The following PRKD1 variants were observed in gnomAD, a reference collection of about 807,000 sequenced individuals.
The protein encoded by PRKD1 is serine/threonine-protein kinase D1.
PRKD1 carries 63 observed loss-of-function variants against 95.9 expected under a neutral mutation model. The observed-to-expected ratio is 0.66, with a 90% CI of 0.54 to 0.81. PRKD1 has a LOEUF of 0.81. PRKD1 is among the 30% of genes least tolerant of loss of function. The pLI, the probability that PRKD1 is intolerant of heterozygous loss-of-function variation, is 0.00. For missense variants in PRKD1, 1,048 were observed against 1,165.3 expected (o/e 0.90, Z 1.47); for synonymous variants, 425 against 423.1 (o/e 1.00, Z -0.05).
chr14:29,599,029 G>A lies in PRKD1; in HGVS notation c.2164C>T (p.Gln722Ter). The change falls in exon 15 of 18, where the codon CAG becomes TAG. Residue 722 changes from glutamine (Q) to a stop codon, truncating the protein, a stop_gained and splice_region_variant. Coordinates refer to ENST00000331968, the MANE Select transcript of PRKD1 (RefSeq NM_002742.3). LOFTEE classifies it high-confidence loss of function. ...VLLASADPFP[Q>*]VKLCDFGFAR... is the part of the protein sequence containing the mutation. ...CTGAGAGAGGCTTTTATACTTGCCT[G>A]AGGAAAAGGATCAGCTGAGGCTAGC... 6.2e-7 allele frequency: 1 copy of A among 1,611,098 alleles called. No homozygotes were observed. Among genetic ancestry groups the A allele is most frequent in the Non-Finnish European group, 8.5e-7 (1 of 1,177,392 alleles).
At chr14:29,817,437 T>C (rs1024460405) in intron 1 of PRKD1, among the ~76,000 whole-genome samples, 3 of 152,164 alleles carry the variant, frequency 2.0e-5, no homozygotes, top group African/African-American at 7.2e-5. Context: ...TTTCACTAAC[T>C]CATACCACAA....
chr14:29,902,114 C>A (rs1190165465), intron 1 of PRKD1, among the ~76,000 whole-genome samples: 1 of 152,060 alleles, frequency 6.6e-6, no homozygotes, highest in African/African-American at 2.4e-5. Context: ...AATTTTCTAG[C>A]CAGGCATGGT....
intron 1 of PRKD1, among the ~76,000 whole-genome samples, chr14:29,836,601 T>A (rs1891620927): frequency 6.6e-6 from 1 of 152,156 alleles, no homozygotes; most frequent in South Asian, 2.1e-4. Flanking sequence ...CAGTGGGAAC[T>A]ACAACTGCTG....
chr14:29,786,376 C>T (rs1235543739), intron 1 of PRKD1, among the ~76,000 whole-genome samples: 2 of 152,024 alleles, frequency 1.3e-5, no homozygotes, highest in Non-Finnish European at 1.5e-5. Flanking sequence ...GGAAGAATTC[C>T]CTTCTCTTCA....
At chr14:29,816,642 T>C (rs959491632) in intron 1 of PRKD1, among the ~76,000 whole-genome samples, 4 of 152,204 alleles carry the variant, frequency 2.6e-5, no homozygotes, top group Non-Finnish European at 5.9e-5. Flanking sequence ...ACCTCAGCCA[T>C]ATCATGACAA....
intron 1 of PRKD1, among the ~76,000 whole-genome samples, chr14:29,823,342 C>A (rs910472283): frequency 6.6e-6 from 1 of 152,132 alleles, no homozygotes; most frequent in African/African-American, 2.4e-5. Flanking sequence ...ATTACCATCA[C>A]AAGTGAATTC....
intron 2 of PRKD1, among the ~76,000 whole-genome samples, chr14:29,673,930 C>A (rs940786049): frequency 6.6e-6 from 1 of 152,078 alleles, no homozygotes; most frequent in Non-Finnish European, 1.5e-5. Context: ...AAATGCATGA[C>A]CTGGGGGAAG....
chr14:29,683,016 A>G (rs1883622105), intron 2 of PRKD1, among the ~76,000 whole-genome samples: 1 of 152,200 alleles, frequency 6.6e-6, no homozygotes, highest in South Asian at 2.1e-4. Flanking sequence ...GCTTAAATAA[A>G]TAATTCAGCA....
intron 2 of PRKD1, among the ~76,000 whole-genome samples, chr14:29,690,578 T>C (rs916907986): frequency 2.0e-5 from 3 of 152,154 alleles, no homozygotes; most frequent in South Asian, 2.1e-4. Context: ...CAATGTCTCT[T>C]TCCCCTGCTT....
intron 1 of PRKD1, among the ~76,000 whole-genome samples, chr14:29,825,337 T>C (rs1405694878): frequency 6.6e-6 from 1 of 152,154 alleles, no homozygotes; most frequent in African/African-American, 2.4e-5. Flanking sequence ...AAAGTAATTT[T>C]GAGCTGACAC....
chr14:29,906,228 G>A (rs1239358977), intron 1 of PRKD1, among the ~76,000 whole-genome samples: 2 of 151,354 alleles, frequency 1.3e-5, no homozygotes, highest in South Asian at 2.1e-4. Flanking sequence ...TAAGCGTTAA[G>A]TTTAAGTCAT....
Position 29,577,304 on chromosome 14 carries a change from G to A in PRKD1, c.2673C>T (p.His891=), listed in dbSNP as rs778542445. Residue 891 remains histidine, a synonymous_variant, in exon 18 of 18, where the codon CAC becomes CAT. Transcript: ENST00000331968. ...TTTCTTCAGTCTCAGGAGTGTCACT[G>A]TGGCTAGCACTTGGATTGATCAGGT... ...PTHLINPSAS[H]SDTPETEETE... 2.0e-5 allele frequency: 32 copies of A among 1,613,706 alleles called. No homozygotes were observed. The highest frequency in any genetic ancestry group is 3.3e-4 in the Middle Eastern group (2 of 6,070).
intron 2 of PRKD1, among the ~76,000 whole-genome samples, chr14:29,679,230 C>A (rs1883396400): frequency 6.6e-6 from 1 of 152,192 alleles, no homozygotes; most frequent in South Asian, 2.1e-4. Context: ...TTTAGCCCAT[C>A]TTCCTAAAGT....
chr14:29,871,298 A>G (rs1893097628), intron 1 of PRKD1, among the ~76,000 whole-genome samples: 1 of 152,236 alleles, frequency 6.6e-6, no homozygotes, highest in Non-Finnish European at 1.5e-5. Context: ...TTCCTCTTCT[A>G]AACTACAAAA....
chr14:29,855,152 C>T (rs1466536746), intron 1 of PRKD1, among the ~76,000 whole-genome samples: 1 of 152,198 alleles, frequency 6.6e-6, no homozygotes, highest in Admixed American at 6.5e-5. Context: ...AAGAAGGCCA[C>T]CATCCTCCAG....
At chr14:29,725,196 C>T (rs1594461387) in intron 2 of PRKD1, among the ~76,000 whole-genome samples, 2 of 152,258 alleles carry the variant, frequency 1.3e-5, no homozygotes, top group Middle Eastern at 3.4e-3. Flanking sequence ...GCCCTGACAG[C>T]TAATTTAGCT....
At chr14:29,872,440 A>AC (rs1893141067) in intron 1 of PRKD1, among the ~76,000 whole-genome samples, 11 of 151,972 alleles carry the variant, frequency 7.2e-5, no homozygotes, top group Admixed American at 6.6e-4. Context: ...AGGTGGGTGG[A>AC]TCACGAGTCA....
intron 16 of PRKD1, among the ~76,000 whole-genome samples, chr14:29,582,694 T>C (rs1057187553): frequency 6.6e-6 from 1 of 152,092 alleles, no homozygotes; most frequent in Non-Finnish European, 1.5e-5. Flanking sequence ...ACAGCCAGTC[T>C]AGTAAAGCTG....
chr14:29,921,763 G>A (rs1163002759), intron 1 of PRKD1, among the ~76,000 whole-genome samples: 1 of 151,994 alleles, frequency 6.6e-6, no homozygotes, highest in African/African-American at 2.4e-5. Flanking sequence ...TGGTCTTCTG[G>A]GGCAAGTTTT....
Sources: allele counts gnomAD v4.1 joint callset (sites outside exome capture counted in the v4.1 genomes callset), GRCh38; gene constraint gnomAD v4.1.1; transcripts MANE v1.5; gene names NCBI Gene and HGNC (gene_info 2026-07-23, HGNC 2026-07-21).